Variants in KLRG1 observed in about 807,000 individuals in gnomAD.
KLRG1 encodes killer cell lectin-like receptor subfamily G member 1.
KLRG1 carries 16 observed loss-of-function variants against 21.8 expected under a neutral mutation model. The ratio of observed to expected loss-of-function variants is 0.73; its 90% CI spans 0.50 to 1.11. The LOEUF is 1.11. Among genes scored for constraint, KLRG1 ranks in the 50% most tolerant of loss-of-function variants. The pLI is 0.00. For synonymous variants in KLRG1, 69 were observed against 75.9 expected (o/e 0.91, Z 0.47); for missense variants, 173 against 218.3 (o/e 0.79, Z 1.31).
the KLRG1 span, among the ~76,000 whole-genome samples, chr12:9,084,322 C>G: frequency 6.6e-6 from 1 of 152,062 alleles, no homozygotes; most frequent in Admixed American, 6.6e-5. Context: ...GTATTTAAAG[C>G]AATTTTATCT....
At chr12:8,950,346 G>A (rs1211915055) in intron 1 of KLRG1, 2 of 152,240 alleles carry the variant, frequency 1.3e-5, no homozygotes, top group Non-Finnish European at 2.9e-5. Flanking sequence ...CTGTTCGCCA[G>A]AGGTTACTTC....
chr12:9,210,760 T>C, the KLRG1 span, among the ~76,000 whole-genome samples: 1 of 152,210 alleles, frequency 6.6e-6, no homozygotes, highest in Non-Finnish European at 1.5e-5. Context: ...TTTCTTATTC[T>C]TTTTAGTTAT....
intron 1 of KLRG1, among the ~76,000 whole-genome samples, chr12:8,978,713 C>CTTCT (rs1267761184): frequency 7.6e-6 from 1 of 132,116 alleles, no homozygotes; most frequent in Non-Finnish European, 1.6e-5. Context: ...CTCTCTCTCT[C>CTTCT]TTCTTTCTTT....
chr12:8,965,242 C>G (rs1444015995), intron 1 of KLRG1, among the ~76,000 whole-genome samples: 1 of 152,174 alleles, frequency 6.6e-6, no homozygotes, highest in Non-Finnish European at 1.5e-5. Flanking sequence ...ACTGAATGGG[C>G]AAAAACTGGA....
chr12:8,991,992 T>C, intron 1 of KLRG1: 1 of 430,794 alleles, frequency 2.3e-6, no homozygotes, highest in South Asian at 3.5e-5. Context: ...ATTCTTTATC[T>C]TGATAAATAT....
downstream of KLRG1, among the ~76,000 whole-genome samples, chr12:9,013,189 A>G (rs1947655809): frequency 6.6e-6 from 1 of 152,190 alleles, no homozygotes; most frequent in Admixed American, 6.5e-5. Flanking sequence ...TGCAGTGGCC[A>G]AAGACTTAGA....
At chr12:9,188,318 A>C in the KLRG1 span, among the ~76,000 whole-genome samples, 1 of 152,212 alleles carries the variant, frequency 6.6e-6, no homozygotes, top group African/African-American at 2.4e-5. Context: ...AGTAAAATTC[A>C]ACACCTCTTC....
At chr12:9,002,714 G>A (rs1181093352) in intron 3 of KLRG1, among the ~76,000 whole-genome samples, 1 of 151,634 alleles carries the variant, frequency 6.6e-6, no homozygotes, top group African/African-American at 2.4e-5. Context: ...CTACAGGCAT[G>A]TGCCACCATG....
chr12:9,147,723 G>A, the KLRG1 span, among the ~76,000 whole-genome samples: 1 of 152,150 alleles, frequency 6.6e-6, no homozygotes, highest in East Asian at 1.9e-4. Context: ...ACTGTGTTAT[G>A]GCTCCACTCT....
the KLRG1 span, among the ~76,000 whole-genome samples, chr12:9,161,484 A>C: frequency 6.6e-6 from 1 of 152,162 alleles, no homozygotes; most frequent in African/African-American, 2.4e-5. Context: ...TGACTTCCAG[A>C]GTCCTTCCTC....
At chr12:9,153,167 T>C in the KLRG1 span, 1 of 1,614,220 alleles carries the variant, frequency 6.2e-7, no homozygotes, top group South Asian at 1.1e-5. Context: ...TTATGACATA[T>C]TCTCCAGGGA....
At chr12:9,007,075 A>G (rs1470776660) in intron 3 of KLRG1, among the ~76,000 whole-genome samples, 1 of 152,206 alleles carries the variant, frequency 6.6e-6, no homozygotes, top group African/African-American at 2.4e-5. Context: ...CTGATAAACA[A>G]GTTGTACTGA....
At chr12:9,188,627 T>C in the KLRG1 span, among the ~76,000 whole-genome samples, 10 of 152,166 alleles carry the variant, frequency 6.6e-5, no homozygotes, top group African/African-American at 2.2e-4. Context: ...GAAAACCCCA[T>C]AGTGTTGGCC....
the KLRG1 span, among the ~76,000 whole-genome samples, chr12:9,158,757 C>CTCTTTTTTTTTTTTTTTTTTCTTTTTT: frequency 8.0e-6 from 1 of 125,434 alleles, no homozygotes; most frequent in Admixed American, 8.7e-5. Flanking sequence ...CTTTTCTTTT[C>CTCTTTTTTTTTTTTTTTTTTCTTTTTT]TTTTTTTTTT....
At chr12:8,996,485 A>C (rs541931729) in intron 3 of KLRG1, 8 of 152,210 alleles carry the variant, frequency 5.3e-5, no homozygotes, top group Non-Finnish European at 1.0e-4. Context: ...GAATTAAACT[A>C]TATTAACTTA....
chr12:9,170,054 G>A, the KLRG1 span: 2 of 152,336 alleles, frequency 1.3e-5, no homozygotes, highest in Admixed American at 6.5e-5. The surrounding 1 kb of genome is among the most constrained non-coding windows in gnomAD (Gnocchi z 4.6). Context: ...CTTACGGAGT[G>A]GAATGAAAAA....
chr12:8,983,503 C>A (rs991917326), intron 1 of KLRG1, among the ~76,000 whole-genome samples: 2 of 146,052 alleles, frequency 1.4e-5, no homozygotes, highest in African/African-American at 5.2e-5. Context: ...TGGGTTCAAG[C>A]GATTCTCCTG....
At chr12:9,185,790 A>ATTTCTTTTCTTTTCTTTTCTTTTCT in the KLRG1 span, among the ~76,000 whole-genome samples, 20,349 of 134,058 alleles carry the variant, frequency 0.15, 2,144 homozygotes, top group Middle Eastern at 0.19. Flanking sequence ...TATGTTCAAC[A>ATTTCTTTTCTTTTCTTTTCTTTTCT]TTTCTTTTCT....
the KLRG1 span, chr12:9,157,332 CAG>C: frequency 6.2e-7 from 1 of 1,613,810 alleles, no homozygotes. Flanking sequence ...CCAGGCAGAA[CAG>C]GGCATTGCGA....
Sources: gnomAD v4.1 joint callset for allele counts (sites outside exome capture counted in the v4.1 genomes callset) on GRCh38, gnomAD v4.1.1 for gene constraint, Gnocchi (gnomAD v3.1) non-coding constraint, MANE v1.5 for transcripts, NCBI Gene and HGNC (gene_info 2026-07-23, HGNC 2026-07-21) for gene names.